The following NBAS variants were observed in gnomAD, a reference collection of about 807,000 sequenced individuals.
NBAS encodes the protein NAG/BC035112 fusion.
Under a neutral mutation model 302.5 loss-of-function variants are expected in NBAS, and 219 were observed. That is an observed-to-expected ratio of 0.72 (90% CI 0.65 to 0.81). NBAS has a LOEUF of 0.81. NBAS is among the 30% of genes least tolerant of loss of function. NBAS has a pLI of 0.00. For synonymous variants in NBAS, 1,118 were observed against 1,021.6 expected (o/e 1.09, Z -1.80); for missense variants, 2,932 against 2,841.6 (o/e 1.03, Z -0.72).
the NBAS span, among the ~76,000 whole-genome samples, chr2:15,090,576 A>G: frequency 6.6e-6 from 1 of 152,192 alleles, no homozygotes; most frequent in Admixed American, 6.5e-5. Context: ...ATTACACTCC[A>G]AATAGAAAAG....
chr2:15,379,708 G>A lies in NBAS; in HGVS notation c.3484C>T (p.His1162Tyr), dbSNP rs1674937506. The change falls in exon 30 of 52, where the codon CAC (histidine) becomes TAC (tyrosine). Residue 1162 changes from histidine (H) to tyrosine (Y), a missense_variant. Physicochemically the swap from His to Tyr is moderately conservative, Grantham distance 83 (BLOSUM62 2). Transcript: ENST00000281513. ...PAGIAHKGKP[H>Y]YRVSYEKSID... ...CTCTTTTCGTAGCTGACCCTGTAGT[G>A]GGGTTTCCCTTTATGGGCTATACCA... The A allele has an allele frequency of 1.9e-6, 3 of 1,614,038 alleles. No homozygotes were observed. The East Asian group carries it at 6.7e-5, about 36-fold the overall frequency.
chr2:15,181,383 T>C (rs1416518564), intron 50 of NBAS, among the ~76,000 whole-genome samples: 5 of 152,214 alleles, frequency 3.3e-5, no homozygotes, highest in African/African-American at 1.2e-4. Flanking sequence ...AGCCACTGAC[T>C]ACTTTTCATC....
chr2:15,417,407 C>T (rs2287257), intron 24 of NBAS, 120 bp downstream of exon 24: 3 of 884,452 alleles, frequency 3.4e-6, no homozygotes, highest in Non-Finnish European at 5.1e-6. Flanking sequence ...AAAAGTCAAT[C>T]TTTATTTACT....
the NBAS span, among the ~76,000 whole-genome samples, chr2:14,862,093 G>A: frequency 1.5e-4 from 23 of 152,046 alleles, no homozygotes; most frequent in East Asian, 4.5e-3. Flanking sequence ...CATTGACGTT[G>A]TTTTCAACCA....
chr2:15,454,943 G>C (rs79749680), intron 21 of NBAS, among the ~76,000 whole-genome samples: 2 of 149,094 alleles, frequency 1.3e-5, no homozygotes, highest in South Asian at 2.1e-4. Flanking sequence ...TCACTCTGTC[G>C]TCAAGCTGGA....
chr2:15,528,924 C>CTGTGT (rs1663082504), intron 9 of NBAS, among the ~76,000 whole-genome samples: 1 of 75,512 alleles, frequency 1.3e-5, no homozygotes. Flanking sequence ...TACACACACA[C>CTGTGT]ATATATATTT....
chr2:15,368,431 C>G (rs1674327432), intron 31 of NBAS, among the ~76,000 whole-genome samples: 1 of 152,090 alleles, frequency 6.6e-6, no homozygotes, highest in Admixed American at 6.6e-5. Context: ...AACTCCTGAC[C>G]TTGTGATCCG....
the NBAS span, among the ~76,000 whole-genome samples, chr2:15,030,073 T>G: frequency 1.3e-5 from 2 of 152,230 alleles, no homozygotes; most frequent in African/African-American, 4.8e-5. Flanking sequence ...CCTCCACAGC[T>G]CACCAGGGAG....
At chr2:14,937,104 A>C in the NBAS span, among the ~76,000 whole-genome samples, 2 of 152,314 alleles carry the variant, frequency 1.3e-5, no homozygotes, top group East Asian at 3.9e-4. Flanking sequence ...AAAACATAAC[A>C]CAGCAACAGG....
the NBAS span, among the ~76,000 whole-genome samples, chr2:14,984,524 G>A: frequency 2.6e-5 from 4 of 152,196 alleles, no homozygotes; most frequent in African/African-American, 7.2e-5. Context: ...GAGCTGAAGC[G>A]GAATTTGAAA....
intron 41 of NBAS, 46 bp downstream of exon 41, chr2:15,292,491 T>C (rs370460510): frequency 1.3e-6 from 2 of 1,580,522 alleles, no homozygotes; most frequent in African/African-American, 1.3e-5. Context: ...ACTTATTCTT[T>C]TGCAGTTTAA....
intron 40 of NBAS, among the ~76,000 whole-genome samples, chr2:15,294,613 C>T (rs1034700436): frequency 5.3e-5 from 8 of 152,204 alleles, no homozygotes; most frequent in Admixed American, 2.6e-4. Context: ...GCTCATGGGC[C>T]AGCTGGCCCA....
At chr2:14,804,199 G>T in the NBAS span, among the ~76,000 whole-genome samples, 1 of 152,140 alleles carries the variant, frequency 6.6e-6, no homozygotes, top group East Asian at 1.9e-4. Flanking sequence ...GATAGATGAG[G>T]CTACCTCTGC....
chr2:15,319,867 A>C (rs1468503330), intron 38 of NBAS, among the ~76,000 whole-genome samples: 2 of 152,182 alleles, frequency 1.3e-5, no homozygotes, highest in Non-Finnish European at 2.9e-5. Context: ...CAATAGAAAA[A>C]GAGGGAATCT....
At chr2:15,516,310 C>T (rs572402488) in intron 9 of NBAS, among the ~76,000 whole-genome samples, 56 of 152,246 alleles carry the variant, frequency 3.7e-4, no homozygotes, top group African/African-American at 1.3e-3. Flanking sequence ...GAAGAGCCAA[C>T]TCAGTTCATG....
At chr2:15,113,567 A>C in the NBAS span, among the ~76,000 whole-genome samples, 5 of 152,138 alleles carry the variant, frequency 3.3e-5, no homozygotes, top group African/African-American at 7.2e-5. Flanking sequence ...AGCTAAGTAG[A>C]AGAGATTCTC....
At chr2:14,882,198 A>G in the NBAS span, among the ~76,000 whole-genome samples, 1 of 152,142 alleles carries the variant, frequency 6.6e-6, no homozygotes, top group African/African-American at 2.4e-5. Flanking sequence ...TTTAAATCCA[A>G]AGTTTGATTC....
chr2:15,182,499 AATT>A (rs754583313), intron 50 of NBAS, among the ~76,000 whole-genome samples: 43 of 152,320 alleles, frequency 2.8e-4, no homozygotes, highest in Admixed American at 1.8e-3. Flanking sequence ...AGAAGCTGGG[AATT>A]ATTAAGGCTC....
chr2:15,449,898 A>G (rs1678928921), intron 21 of NBAS, among the ~76,000 whole-genome samples: 1 of 152,222 alleles, frequency 6.6e-6, no homozygotes, highest in African/African-American at 2.4e-5. Flanking sequence ...TCCTCACAGC[A>G]GCTCAGAAAT....
Sources: gnomAD v4.1 joint callset for allele counts (sites outside exome capture counted in the v4.1 genomes callset) on GRCh38, gnomAD v4.1.1 for gene constraint, MANE v1.5 for transcripts, NCBI Gene and HGNC (gene_info 2026-07-23, HGNC 2026-07-21) for gene names.